Variants in SEC24A observed in about 807,000 individuals in gnomAD.
SEC24A encodes the protein protein transport protein Sec24A.
Under a neutral mutation model 129.4 loss-of-function variants are expected in SEC24A, and 93 were observed. The observed-to-expected ratio is 0.72, with a 90% confidence interval of 0.61 to 0.85. The LOEUF (loss-of-function observed/expected upper bound fraction) is 0.85. Among genes scored for constraint, SEC24A ranks in the 40% least tolerant of loss-of-function variants. SEC24A has a pLI of 0.00. For missense variants in SEC24A, 1,264 were observed against 1,307.4 expected (o/e 0.97, Z 0.51); for synonymous variants, 460 against 467.3 (o/e 0.98, Z 0.20).
chr5:134,683,431 C>T (rs564668132), intron 9 of SEC24A, among the ~76,000 whole-genome samples: 1 of 152,054 alleles, frequency 6.6e-6, no homozygotes, highest in Non-Finnish European at 1.5e-5. Flanking sequence ...GATCCTCTTG[C>T]AAATATTGTT....
chr5:134,686,814 T>C lies in SEC24A; in HGVS notation c.1516T>C (p.Tyr506His). ...GTTACGACCACCTCAGCCTCCAGTG[T>C]ATCTCTTTGTATTTGATGTGTCTCA... ...YMLRPPQPPVYLFVFDVSHNA... is the reference protein window; with the variant it reads ...YMLRPPQPPVHLFVFDVSHNA... The change falls in exon 10 of 23, where the codon TAT (tyrosine) becomes CAT (histidine). Residue 506 changes from tyrosine to histidine, a missense_variant. Coordinates refer to ENST00000398844, the MANE Select transcript of SEC24A (RefSeq NM_021982.3). 2 of 1,606,488 alleles carry C rather than the reference T, an allele frequency of 1.2e-6. No homozygotes were observed. Among genetic ancestry groups the C allele is most frequent in the Non-Finnish European group, 1.7e-6 (2 of 1,176,840 alleles).
rs1751733590 is a variant in SEC24A, at chr5:134,693,721, T to G, written c.1780-6T>G. 1 of 1,611,580 alleles carries G rather than the reference T, an allele frequency of 6.2e-7. No homozygotes were observed. The highest frequency in any genetic ancestry group is 8.5e-7 in the Non-Finnish European group (1 of 1,179,136). On this transcript the variant is annotated splice_polypyrimidine_tract_variant and splice_region_variant and intron_variant, in intron 12 of 22. Transcript: ENST00000398844. ...ACACTTGAGTTTTCTTGCTTTGTTT[T>G]ACAAGCTCGTGCAAGATTTACTGAA...
intron 12 of SEC24A, chr5:134,693,472 T>C (rs1330091837): frequency 4.3e-6 from 6 of 1,391,058 alleles, no homozygotes; most frequent in Non-Finnish European, 5.6e-6. Flanking sequence ...TTTGGATACA[T>C]TTTGGACTTA....
At chr5:134,724,215 G>C (rs1752701019) in intron 22 of SEC24A, among the ~76,000 whole-genome samples, 1 of 152,174 alleles carries the variant, frequency 6.6e-6, no homozygotes, top group African/African-American at 2.4e-5. Flanking sequence ...ACATAAGTAA[G>C]ATCGTGTGGT....
intron 2 of SEC24A, 146 bp downstream of exon 2, chr5:134,661,732 C>T (rs928149423): frequency 3.1e-5 from 23 of 730,904 alleles, no homozygotes; most frequent in South Asian, 9.9e-5. Context: ...TTTTGTTTTT[C>T]GGCTTTCCAG....
intron 18 of SEC24A, among the ~76,000 whole-genome samples, chr5:134,713,244 T>G (rs776507097): frequency 5.7e-4 from 86 of 152,098 alleles, no homozygotes; most frequent in East Asian, 1.4e-3. Context: ...ATATTTAAAT[T>G]TTGACGTTTA....
chr5:134,698,706 A>ACTGCAAC (rs938250438), intron 15 of SEC24A, among the ~76,000 whole-genome samples: 10 of 149,634 alleles, frequency 6.7e-5, no homozygotes, highest in African/African-American at 2.5e-4. Flanking sequence ...ATCTTGGCTA[A>ACTGCAAC]CTGCAACCTC....
chr5:134,713,890 A>G (rs1752402312), intron 18 of SEC24A, among the ~76,000 whole-genome samples: 1 of 151,626 alleles, frequency 6.6e-6, no homozygotes, highest in African/African-American at 2.4e-5. Context: ...AAAAAAAAAA[A>G]AATTAGCCGG....
chr5:134,695,472 C>T (rs553104040), intron 13 of SEC24A, among the ~76,000 whole-genome samples: 237 of 151,634 alleles, frequency 1.6e-3, no homozygotes, highest in African/African-American at 5.3e-3. Flanking sequence ...GCCAACACGA[C>T]GAAACCCCAT....
intron 1 of SEC24A, among the ~76,000 whole-genome samples, chr5:134,653,115 A>T (rs1750121963): frequency 6.7e-6 from 1 of 150,052 alleles, no homozygotes; most frequent in African/African-American, 2.5e-5. Context: ...TAATTTTTGT[A>T]TTTTTAGTGG....
rs746030772 is a variant in SEC24A at position 134,693,730 on chromosome 5, G to A, written c.1783G>A (p.Val595Met). ...TTTTCTTGCTTTGTTTTACAAGCTC[G>A]TGCAAGATTTACTGAAAACTTTGCC... ...LVNLNESKEL[V>M]QDLLKTLPQM... Residue 595 changes from valine (V) to methionine (M), a missense_variant, in exon 13 of 23, where the codon GTG becomes ATG. Coordinates refer to ENST00000398844, the MANE Select transcript of SEC24A (RefSeq NM_021982.3). 1.4e-5 allele frequency: 23 copies of A among 1,613,110 alleles called. 1 individual carries two copies. Among genetic ancestry groups the A allele is most frequent in the Middle Eastern group, 1.7e-4 (1 of 5,942 alleles).
intron 1 of SEC24A, among the ~76,000 whole-genome samples, chr5:134,658,414 T>C (rs139429146): frequency 2.8e-4 from 42 of 152,306 alleles, no homozygotes; most frequent in Non-Finnish European, 4.6e-4. Context: ...CACTTTTTCC[T>C]TTTTGTTTTT....
rs1751885086 is a variant in SEC24A at position 134,698,112 on chromosome 5, T to C, written c.2266+55T>C. 4.2e-6 allele frequency: 6 copies of C among 1,440,490 alleles called. No homozygotes were observed. In the South Asian group the frequency reaches 6.3e-5, roughly 15 times the overall value. 89.2% of individuals were successfully genotyped at this position (1,440,490 alleles called of 1,614,324 possible). A position where few individuals can be genotyped will look rare whatever the true frequency, so the allele number is the denominator to read the frequency against. On this transcript the variant is annotated intron_variant, in intron 15 of 22. Transcript: ENST00000398844. ...GAATAATATTTTTGGTTTCAGTAAA[T>C]GTACATGTTTTTATCTGGTCTTATA...
chr5:134,661,659 C>A, intron 2 of SEC24A, 73 bp downstream of exon 2: 2 of 1,109,916 alleles, frequency 1.8e-6, no homozygotes, highest in Non-Finnish European at 2.6e-6. Context: ...TGAAATAATA[C>A]TTGAAACCTG....
rs1314147624 is a variant in SEC24A, at chr5:134,648,814, C to G, written c.-263C>G. On this transcript the variant is annotated 5_prime_UTR_variant, in exon 1 of 23. Transcript: ENST00000398844. ...CCGGCCAGGGCCTCCCTCCTTCTCT[C>G]TAGGTTTGGCTGCCGCCTTCTAGCC... 2 of 335,674 alleles carry G rather than the reference C, an allele frequency of 6.0e-6. No individual in the cohort carries two copies. Among genetic ancestry groups the G allele is most frequent in the Non-Finnish European group, 1.1e-5 (2 of 181,304 alleles). 20.8% of individuals were successfully genotyped at this position (335,674 alleles called of 1,614,324 possible).
chr5:134,674,222 A>G (rs1750973004), intron 4 of SEC24A, among the ~76,000 whole-genome samples: 1 of 152,206 alleles, frequency 6.6e-6, no homozygotes, highest in South Asian at 2.1e-4. Context: ...AAATTTGATA[A>G]ATGAAAGTAT....
intron 20 of SEC24A, among the ~76,000 whole-genome samples, chr5:134,718,952 A>C (rs1341956921): frequency 6.6e-6 from 1 of 151,596 alleles, no homozygotes; most frequent in Non-Finnish European, 1.5e-5. Context: ...CCTGGGCAAC[A>C]GAGCAAGACT....
At position 134,661,347 on chromosome 5, in the gene SEC24A, C is replaced by G. The variant is rs1280237770; in HGVS notation, c.326C>G (p.Pro109Arg). Residue 109 changes from proline (P) to arginine (R), a missense_variant, in exon 2 of 23, where the codon CCA (proline) becomes CGA (arginine). By Grantham distance (103) the Pro-to-Arg change is moderately radical. Coordinates refer to ENST00000398844, the MANE Select transcript of SEC24A (RefSeq NM_021982.3). The part of the protein sequence containing the change: ...SLHSGPAPRM[P>R]LPASQNPATT... ...CATAGTGGTCCTGCTCCCCGAATGC[C>G]ATTACCTGCTTCTCAGAACCCAGCT... 2 of 1,614,060 alleles carry G rather than the reference C, an allele frequency of 1.2e-6. No homozygotes were observed. The highest frequency in any genetic ancestry group is 2.7e-5 in the African/African-American group (2 of 74,936).
intron 15 of SEC24A, among the ~76,000 whole-genome samples, chr5:134,703,467 CA>C (rs1483167077): frequency 6.6e-6 from 1 of 152,228 alleles, no homozygotes; most frequent in East Asian, 1.9e-4. Context: ...AGGGTTTCAC[CA>C]TGTTATTGGC....
Sources: gnomAD v4.1 joint callset for allele counts (sites outside exome capture counted in the v4.1 genomes callset) on GRCh38, gnomAD v4.1.1 for gene constraint, MANE v1.5 for transcripts, NCBI Gene and HGNC (gene_info 2026-07-23, HGNC 2026-07-21) for gene names.